Variants in UBE2H observed in about 807,000 individuals in gnomAD.
The protein encoded by UBE2H is ubiquitin-conjugating enzyme E2 H.
In UBE2H, 3 loss-of-function variants were observed where a neutral mutation model predicts 29.0. That is an observed-to-expected ratio of 0.10 (90% CI 0.05 to 0.27). The LOEUF is 0.27. Among genes scored for constraint, UBE2H ranks in the 10% least tolerant of loss-of-function variants. The pLI is 1.00. For missense variants in UBE2H, 68 were observed against 228.2 expected, an observed-to-expected ratio of 0.30 and a Z score of 4.52; for synonymous variants, 69 against 82.9, an observed-to-expected ratio of 0.83 and a Z score of 0.91.
At position 129,880,944 on chromosome 7, in the gene UBE2H, G is replaced by C; in HGVS notation, c.81C>G (p.Ile27Met). 6.2e-7 allele frequency: 1 copy of C among 1,613,682 alleles called. No individual in the cohort carries two copies. Among genetic ancestry groups the C allele is most frequent in the Non-Finnish European group, 8.5e-7 (1 of 1,179,854 alleles). The change falls in exon 2 of 7, where the codon ATC becomes ATG. Residue 27 changes from isoleucine to methionine, a missense_variant. By Grantham distance (10) the Ile-to-Met change is conservative (BLOSUM62 1). This residue lies in a region of UBE2H where 40 missense variants were observed against 174.1 expected (regional missense o/e 0.23). Coordinates refer to ENST00000355621, the MANE Select transcript of UBE2H (RefSeq NM_003344.4). Reference sequence around the variant, plus strand: ...CTACAAATTCATTAAGTCCTCCCAGGATCGTAACCTCATGTTTACTCTCGA... The same window carrying C: ...CTACAAATTCATTAAGTCCTCCCAGCATCGTAACCTCATGTTTACTCTCGA... ...KLIESKHEVTILGGLNEFVVK... is the reference protein window; with the variant it reads ...KLIESKHEVTMLGGLNEFVVK...
intron 1 of UBE2H, among the ~76,000 whole-genome samples, chr7:129,938,889 C>T (rs983909791): frequency 4.6e-5 from 7 of 151,780 alleles, no homozygotes; most frequent in African/African-American, 1.5e-4. Flanking sequence ...ACCTCCACCT[C>T]CTAGGTTCAA....
intron 3 of UBE2H, among the ~76,000 whole-genome samples, chr7:129,872,695 T>C (rs967113741): frequency 6.6e-6 from 1 of 151,248 alleles, no homozygotes; most frequent in Non-Finnish European, 1.5e-5. Context: ...ACACAAAAAT[T>C]AGCAGGGCAT....
chr7:129,948,805 C>A (rs1433228515), intron 1 of UBE2H, among the ~76,000 whole-genome samples: 1 of 152,152 alleles, frequency 6.6e-6, no homozygotes, highest in Non-Finnish European at 1.5e-5. Flanking sequence ...CTGATTTAAC[C>A]TTAATTTTTC....
chr7:129,908,530 A>G (rs944365528), intron 1 of UBE2H, among the ~76,000 whole-genome samples: 2 of 152,242 alleles, frequency 1.3e-5, no homozygotes, highest in Non-Finnish European at 2.9e-5. Context: ...TTCAAAAACT[A>G]TTCATTTATA....
At chr7:129,882,647 CT>C (rs1255244352) in intron 1 of UBE2H, among the ~76,000 whole-genome samples, 2 of 152,214 alleles carry the variant, frequency 1.3e-5, no homozygotes, top group Non-Finnish European at 2.9e-5. Flanking sequence ...TGATTCAATA[CT>C]GTCCACATAG....
intron 6 of UBE2H, among the ~76,000 whole-genome samples, chr7:129,837,402 TGAGAA>T (rs1327476410): frequency 3.3e-5 from 5 of 152,064 alleles, no homozygotes; most frequent in African/African-American, 1.2e-4. Context: ...AAATGGGACT[TGAGAA>T]GAGTCCAAAG....
intron 1 of UBE2H, among the ~76,000 whole-genome samples, chr7:129,934,553 G>A (rs113035870): frequency 1.5e-3 from 229 of 148,530 alleles, no homozygotes; most frequent in African/African-American, 5.3e-3. Context: ...CAGGAGAATC[G>A]CTTGAACCTG....
At chr7:129,854,101 G>A (rs1805664453) in intron 5 of UBE2H, among the ~76,000 whole-genome samples, 4 of 133,536 alleles carry the variant, frequency 3.0e-5, no homozygotes, top group South Asian at 2.3e-4. Context: ...AGGGGTTGGC[G>A]GGGGCAGTCC....
chr7:129,917,029 T>C, intron 1 of UBE2H, among the ~76,000 whole-genome samples: 1 of 123,768 alleles, frequency 8.1e-6, no homozygotes, highest in African/African-American at 3.4e-5. Flanking sequence ...ACAGCAAGAT[T>C]CCGTCTCCAA....
intron 3 of UBE2H, among the ~76,000 whole-genome samples, chr7:129,867,724 C>CAAAA (rs1473451530): frequency 6.4e-3 from 199 of 31,166 alleles, no homozygotes; most frequent in Admixed American, 7.7e-3. Flanking sequence ...AAAAGAAAAC[C>CAAAA]AAAAAAAAAA....
intron 3 of UBE2H, among the ~76,000 whole-genome samples, chr7:129,868,608 A>AG (rs2116341392): frequency 6.6e-6 from 1 of 151,310 alleles, no homozygotes; most frequent in South Asian, 2.1e-4. Flanking sequence ...AAAAAAAAAA[A>AG]AAAAGAAAGA....
chr7:129,936,804 G>GAA (rs1171897255), intron 1 of UBE2H, among the ~76,000 whole-genome samples: 19 of 78,006 alleles, frequency 2.4e-4, no homozygotes, highest in East Asian at 4.0e-4. Flanking sequence ...TCTCTACTAG[G>GAA]AAAAAAAAAA....
chr7:129,945,647 A>T (rs1052302963), intron 1 of UBE2H, among the ~76,000 whole-genome samples: 1 of 152,248 alleles, frequency 6.6e-6, no homozygotes, highest in Non-Finnish European at 1.5e-5. Context: ...AGAAAAGCCT[A>T]TGCACAAAGA....
rs186018133 is a variant in UBE2H, at chr7:129,884,669, T to C, written c.54-3698A>G. Among the ~76,000 whole-genome samples, 46 of 151,538 alleles carry C rather than the reference T, an allele frequency of 3.0e-4. 1 individual carries two copies. Among genetic ancestry groups the C allele is most frequent in the Admixed American group, 2.6e-3 (40 of 15,184 alleles). ...GTGCAGTAGCATGATCACGGCTCAC[T>C]GCAGTCTCTACCTCCCAGTGATCCT... is the stretch of plus-strand genomic sequence containing the variant. On this transcript the variant is annotated intron_variant, in intron 1 of 6. Coordinates refer to ENST00000355621, the MANE Select transcript of UBE2H (RefSeq NM_003344.4).
intron 4 of UBE2H, 21 bp downstream of exon 4, chr7:129,858,881 C>T (rs1305858547): frequency 6.2e-7 from 1 of 1,602,782 alleles, no homozygotes; most frequent in East Asian, 2.2e-5. Context: ...AAAATTGAAA[C>T]ATTTTAAAAT....
At chr7:129,898,066 G>GA (rs933756512) in intron 1 of UBE2H, among the ~76,000 whole-genome samples, 43 of 152,030 alleles carry the variant, frequency 2.8e-4, no homozygotes, top group African/African-American at 9.2e-4. Flanking sequence ...TTATTTTATG[G>GA]AAAAAAATTG....
At chr7:129,933,632 TGACATCCACACA>T (rs140971634) in intron 1 of UBE2H, among the ~76,000 whole-genome samples, 10,010 of 152,174 alleles carry the variant, frequency 0.066, 540 homozygotes, top group East Asian at 0.25. Context: ...AAAAGGCAAA[TGACATCCACACA>T]GAAAAGAATT....
At chr7:129,903,014 T>C (rs1309118266) in intron 1 of UBE2H, among the ~76,000 whole-genome samples, 1 of 152,238 alleles carries the variant, frequency 6.6e-6, no homozygotes, top group Non-Finnish European at 1.5e-5. Flanking sequence ...GTCGTAGAGC[T>C]GCTACTCACT....
chr7:129,926,384 C>T (rs182782710), intron 1 of UBE2H, among the ~76,000 whole-genome samples: 162 of 152,086 alleles, frequency 1.1e-3, no homozygotes, highest in African/African-American at 3.5e-3. Context: ...TGGCACATGC[C>T]TGTAATCCCA....
Sources: gnomAD v4.1 joint callset for allele counts (sites outside exome capture counted in the v4.1 genomes callset) on GRCh38, gnomAD v4.1.1 for gene constraint, gnomAD v4.1.1 regional missense constraint, MANE v1.5 for transcripts, NCBI Gene and HGNC (gene_info 2026-07-23, HGNC 2026-07-21) for gene names.